PPFIA2: variants seen among roughly 807,000 people sequenced by gnomAD.
The protein encoded by PPFIA2 is liprin-alpha-2.
A neutral mutation model predicts 175.5 loss-of-function variants in PPFIA2; 46 were observed. The ratio of observed to expected loss-of-function variants is 0.26; its 90% confidence interval spans 0.21 to 0.34. The LOEUF (loss-of-function observed/expected upper bound fraction) is 0.34. PPFIA2 is among the 10% of genes least tolerant of loss of function. The pLI, the probability that PPFIA2 is intolerant of heterozygous loss-of-function variation, is 1.00. For synonymous variants in PPFIA2, 568 were observed against 511.4 expected (o/e 1.11, Z -1.49); for missense variants, 1,179 against 1,506.1 (o/e 0.78, Z 3.60).
intron 3 of PPFIA2, among the ~76,000 whole-genome samples, chr12:81,712,270 G>A (rs977238645): frequency 6.6e-6 from 1 of 151,198 alleles, no homozygotes; most frequent in Non-Finnish European, 1.5e-5. Flanking sequence ...AACAAGATTA[G>A]AGAAATCGTT....
chr12:81,604,153 G>A (rs1489354345), intron 4 of PPFIA2, among the ~76,000 whole-genome samples: 1 of 147,586 alleles, frequency 6.8e-6, no homozygotes, highest in East Asian at 1.9e-4. Flanking sequence ...GGAAATCACT[G>A]ATTTCCAGTG....
rs771244244 is a variant in PPFIA2, at chr12:81,375,656, T to C, written c.1131+140A>G. 4.8e-6 allele frequency: 4 copies of C among 840,418 alleles called. No homozygotes were observed. In the East Asian group the frequency reaches 1.1e-4, roughly 23 times the overall value. The allele number at this position is 840,418 out of a possible 1,614,324, so 52.1% of individuals were successfully genotyped here. On this transcript the variant is annotated intron_variant, in intron 10 of 32. Transcript: ENST00000549396. ...AGTAAATTTCACACTGAAAATCGTA[T>C]TTGTTTTGCTAGAGAATTTCAAATT...
In PPFIA2 at chr12:81,330,236, C is replaced by T. The variant is rs773772246; in HGVS notation, c.2549-4366G>A. 8.0e-4 allele frequency among the ~76,000 whole-genome samples: 122 copies of T among 152,152 alleles called. 1 individual carries two copies. Among genetic ancestry groups the T allele is most frequent in the Admixed American group, 1.8e-3 (27 of 15,276 alleles). ...ACCCTACGAAAGCCACAACCTTGCA[C>T]GAAGGCCATTGCAATCCCATGCCAA... On this transcript the variant is annotated intron_variant, in intron 21 of 32. Transcript: ENST00000549396.
At chr12:81,434,591 G>A (rs1220473652) in intron 7 of PPFIA2, among the ~76,000 whole-genome samples, 1 of 152,008 alleles carries the variant, frequency 6.6e-6, no homozygotes, top group Non-Finnish European at 1.5e-5. Context: ...CAAATTCAAA[G>A]ATAAATACAT....
intron 4 of PPFIA2, among the ~76,000 whole-genome samples, chr12:81,644,667 T>C (rs545909497): frequency 6.6e-6 from 1 of 152,244 alleles, no homozygotes; most frequent in African/African-American, 2.4e-5. Flanking sequence ...ATTCTGTTAA[T>C]ATTTGTTTTC....
chr12:81,661,639 A>G (rs1039235110), intron 4 of PPFIA2, among the ~76,000 whole-genome samples: 2 of 152,174 alleles, frequency 1.3e-5, no homozygotes, highest in Non-Finnish European at 2.9e-5. Flanking sequence ...AGACAGATCA[A>G]TGAGACAGAA....
At chr12:81,575,706 C>T (rs1325785666) in intron 4 of PPFIA2, among the ~76,000 whole-genome samples, 1 of 151,634 alleles carries the variant, frequency 6.6e-6, no homozygotes, top group African/African-American at 2.4e-5. Context: ...GGAACATGAT[C>T]ATATCTATTT....
chr12:81,424,824 T>C (rs749270453), intron 7 of PPFIA2: 1 of 152,182 alleles, frequency 6.6e-6, no homozygotes, highest in Non-Finnish European at 1.5e-5. Flanking sequence ...CTTTAACCCA[T>C]ACAGCGTATT....
intron 3 of PPFIA2, among the ~76,000 whole-genome samples, chr12:81,741,746 C>T (rs527746824): frequency 6.6e-6 from 1 of 151,756 alleles, no homozygotes; most frequent in Non-Finnish European, 1.5e-5. Context: ...AGATTGGACA[C>T]CCCTGCCTGA....
intron 4 of PPFIA2, among the ~76,000 whole-genome samples, chr12:81,609,791 T>C (rs1595577521): frequency 6.6e-6 from 1 of 152,154 alleles, no homozygotes; most frequent in African/African-American, 2.4e-5. Flanking sequence ...AATATTGATA[T>C]GTGTGATTTT....
At position 81,375,880 on chromosome 12, in the gene PPFIA2, A is replaced by G; in HGVS notation, c.1047T>C (p.Ser349=). The change falls in exon 10 of 33, where the codon AGT becomes AGC. Residue 349 remains serine (S), a synonymous_variant. Coordinates refer to ENST00000549396, the MANE Select transcript of PPFIA2 (RefSeq NM_003625.5). ...GTATGGAGGTAGATTCTCTCTGAGC[A>G]CTGAGGTAACGCTTTTCAAGGGTTG... ...RITTLEKRYL[S]AQRESTSIHD... The G allele has an allele frequency of 6.2e-7, 1 of 1,611,888 alleles. No homozygotes were observed. The highest frequency in any genetic ancestry group is 8.5e-7 in the Non-Finnish European group (1 of 1,178,104).
chr12:81,441,127 T>C (rs1443315483), intron 6 of PPFIA2, among the ~76,000 whole-genome samples: 1 of 151,630 alleles, frequency 6.6e-6, no homozygotes, highest in Non-Finnish European at 1.5e-5. Context: ...GGAATATAGA[T>C]TAAATTTATA....
At chr12:81,329,094 A>G (rs1042436132) in intron 21 of PPFIA2, among the ~76,000 whole-genome samples, 2 of 152,090 alleles carry the variant, frequency 1.3e-5, no homozygotes, top group African/African-American at 4.8e-5. Context: ...GTGAGCCACC[A>G]TGCCTGGCCT....
Position 81,301,270 on chromosome 12 carries a change from G to T in PPFIA2, c.2643-1888C>A, listed in dbSNP as rs180777526. The stretch of plus-strand genomic sequence containing the variant: ...TAATGCATGTTGTAAGAGTTTTAAT[G>T]TTACATCCAATAGGGAAAGCGACAC... On this transcript the variant is annotated intron_variant, in intron 22 of 32. Transcript: ENST00000549396. 3.6e-3 allele frequency among the ~76,000 whole-genome samples: 542 copies of T among 152,152 alleles called. 3 individuals are homozygous for T. The highest frequency in any genetic ancestry group is 0.013 in the African/African-American group (523 of 41,520).
intron 6 of PPFIA2, among the ~76,000 whole-genome samples, chr12:81,444,922 A>T (rs944110601): frequency 6.6e-6 from 1 of 152,096 alleles, no homozygotes; most frequent in African/African-American, 2.4e-5. Flanking sequence ...TTATCATCAT[A>T]TTGGTTTATA....
At chr12:81,295,302 G>C (rs1027143656) in intron 23 of PPFIA2, among the ~76,000 whole-genome samples, 1 of 152,218 alleles carries the variant, frequency 6.6e-6, no homozygotes, top group African/African-American at 2.4e-5. Flanking sequence ...CATATTACTA[G>C]TGGTAAAAGT....
rs2081819504 is a variant in PPFIA2 at position 81,737,856 on chromosome 12, A to C, written c.249+16117T>G. Among the ~76,000 whole-genome samples, 3 of 152,068 alleles carry C rather than the reference A, an allele frequency of 2.0e-5. No homozygotes were observed. In the South Asian group the frequency reaches 6.2e-4, roughly 31 times the overall value. On this transcript the variant is annotated intron_variant, in intron 3 of 32. Transcript: ENST00000549396. ...AGGGGATGGAAAATATAGAAGAAAG[A>C]GTAAGAGGAATAGAAAATAAAGTGA...
chr12:81,451,574 C>G (rs2052592541), intron 5 of PPFIA2, among the ~76,000 whole-genome samples: 1 of 152,142 alleles, frequency 6.6e-6, no homozygotes, highest in Admixed American at 6.6e-5. Flanking sequence ...TTTATTTAAA[C>G]AGCCAAGCTA....
At chr12:81,374,852 C>T in intron 10 of PPFIA2, 84 bp from the exon 11 acceptor site, 7 of 1,314,382 alleles carry the variant, frequency 5.3e-6, no homozygotes, top group Non-Finnish European at 7.3e-6. Context: ...TGCACTTCAG[C>T]CATGATTCTA....
Sources: gnomAD v4.1 joint callset for allele counts (sites outside exome capture counted in the v4.1 genomes callset) on GRCh38, gnomAD v4.1.1 for gene constraint, MANE v1.5 for transcripts, NCBI Gene and HGNC (gene_info 2026-07-23, HGNC 2026-07-21) for gene names.